FAM13B: variants seen among roughly 807,000 people sequenced by gnomAD.
FAM13B encodes protein FAM13B.
FAM13B carries 60 observed loss-of-function variants against 117.3 expected under a neutral mutation model. The ratio of observed to expected loss-of-function variants is 0.51; its 90% CI spans 0.42 to 0.63. The LOEUF is 0.63. Ranked by LOEUF, FAM13B falls within the 30% of genes least tolerant of loss-of-function variation. The pLI, the probability that FAM13B is intolerant of heterozygous loss-of-function variation, is 0.00. For synonymous variants in FAM13B, 332 were observed against 356.1 expected, an observed-to-expected ratio of 0.93 and a Z score of 0.76; for missense variants, 972 against 1,091.9, an observed-to-expected ratio of 0.89 and a Z score of 1.55.
intron 6 of FAM13B, among the ~76,000 whole-genome samples, chr5:138,009,579 T>G (rs1581241036): frequency 6.6e-6 from 1 of 151,108 alleles, no homozygotes; most frequent in Non-Finnish European, 1.5e-5. Flanking sequence ...TAGAGGTGGG[T>G]GGATCACCCG....
upstream of FAM13B, chr5:138,036,952 C>T (rs1188567767): frequency 3.4e-6 from 1 of 293,400 alleles, no homozygotes; most frequent in African/African-American, 2.2e-5. Flanking sequence ...GGGAGAAGGT[C>T]AAGGATGCTG....
intron 1 of FAM13B, chr5:138,039,409 G>A (rs1003998457): frequency 1.3e-5 from 2 of 152,008 alleles, no homozygotes; most frequent in African/African-American, 4.8e-5. Flanking sequence ...CAGGCTCTAG[G>A]CTTTTGAGCC....
At chr5:137,953,530 C>G (rs1324971786) in intron 15 of FAM13B, 65 bp from the exon 16 acceptor site, 8 of 1,506,990 alleles carry the variant, frequency 5.3e-6, no homozygotes, top group Non-Finnish European at 7.3e-6. Flanking sequence ...CTCTTATTGC[C>G]CTGACATGGC....
chr5:137,976,741 C>A (rs983873920), intron 10 of FAM13B, among the ~76,000 whole-genome samples: 3 of 152,148 alleles, frequency 2.0e-5, no homozygotes, highest in African/African-American at 7.2e-5. Flanking sequence ...CCAATCAATA[C>A]CCTTGTGATT....
Position 137,941,986 on chromosome 5 carries a change from G to A in FAM13B, c.2648C>T (p.Thr883Met), listed in dbSNP as rs371431985. 85 of 1,613,860 alleles carry A rather than the reference G, an allele frequency of 5.3e-5. No homozygotes were observed. The Middle Eastern group carries it at 8.2e-4, about 16-fold the overall frequency. ...ARAEKKKLRK[T>M]LREFEEAFYQ... ...AAATGCTTCTTCAAATTCCCGCAAC[G>A]TTTTGCGTAGTTTCTTTTTTTCAGC... is the stretch of plus-strand genomic sequence containing the variant. Residue 883 changes from threonine (T) to methionine (M), a missense_variant, in exon 23 of 24, where the codon ACG becomes ATG. Coordinates refer to ENST00000689681, the MANE Select transcript of FAM13B (RefSeq NM_001385994.1).
At chr5:137,970,397 G>A (rs1249207079) in intron 10 of FAM13B, among the ~76,000 whole-genome samples, 1 of 151,890 alleles carries the variant, frequency 6.6e-6, no homozygotes, top group African/African-American at 2.4e-5. Context: ...ATACTTTACA[G>A]ACAAGCAAAT....
chr5:138,015,808 G>C (rs1323278352), intron 4 of FAM13B, among the ~76,000 whole-genome samples: 1 of 152,230 alleles, frequency 6.6e-6, no homozygotes, highest in Non-Finnish European at 1.5e-5. Context: ...TGAATGATCA[G>C]ATGATATTAC....
intron 1 of FAM13B, among the ~76,000 whole-genome samples, chr5:138,029,722 A>G (rs1789402853): frequency 1.3e-5 from 2 of 152,242 alleles, no homozygotes. Context: ...GTCAATCAAC[A>G]AGCAGTTTTC....
upstream of FAM13B, chr5:138,036,377 C>T: frequency 2.2e-6 from 1 of 456,670 alleles, no homozygotes. Flanking sequence ...CCCGAACAAA[C>T]TTGGGAGTAC....
upstream of FAM13B, chr5:138,051,990 T>C (rs1282584179): frequency 6.6e-6 from 1 of 152,170 alleles, no homozygotes. Flanking sequence ...AAAAGTCTGT[T>C]CAGGCAAACT....
intron 1 of FAM13B, among the ~76,000 whole-genome samples, chr5:138,027,366 T>C (rs915243475): frequency 3.3e-5 from 5 of 152,188 alleles, no homozygotes; most frequent in Non-Finnish European, 5.9e-5. Context: ...TGGGTCTCAA[T>C]AAAGATGATA....
chr5:138,025,302 T>TATATAC (rs1242284690), intron 1 of FAM13B, among the ~76,000 whole-genome samples: 1 of 128,948 alleles, frequency 7.8e-6, no homozygotes, highest in Non-Finnish European at 1.6e-5. Context: ...TATATATATA[T>TATATAC]ATATATATGT....
chr5:137,955,272 A>T (rs894561741), intron 14 of FAM13B, among the ~76,000 whole-genome samples: 1 of 152,232 alleles, frequency 6.6e-6, no homozygotes, highest in African/African-American at 2.4e-5. Context: ...AAGAATTCTA[A>T]TATTCCCAAA....
At chr5:138,005,653 A>C (rs906070043) in intron 7 of FAM13B, among the ~76,000 whole-genome samples, 11 of 152,222 alleles carry the variant, frequency 7.2e-5, no homozygotes, top group African/African-American at 2.6e-4. Flanking sequence ...ATAAAAGCAA[A>C]AACAGAATGT....
intron 7 of FAM13B, among the ~76,000 whole-genome samples, chr5:138,006,072 T>A (rs1473503760): frequency 6.6e-6 from 1 of 152,074 alleles, no homozygotes; most frequent in African/African-American, 2.4e-5. Context: ...CTAATTTTTG[T>A]ATTTTTAGTA....
chr5:137,967,866 C>A (rs1770556596), intron 10 of FAM13B, among the ~76,000 whole-genome samples: 1 of 151,980 alleles, frequency 6.6e-6, no homozygotes, highest in Non-Finnish European at 1.5e-5. Flanking sequence ...GCACTGCAGC[C>A]TGGGTGACTA....
intron 1 of FAM13B, among the ~76,000 whole-genome samples, chr5:138,049,643 T>C (rs1401673460): frequency 6.6e-6 from 1 of 152,182 alleles, no homozygotes; most frequent in African/African-American, 2.4e-5. Context: ...AAAACAGGAT[T>C]TTCCATCTGT....
intron 14 of FAM13B, among the ~76,000 whole-genome samples, chr5:137,955,072 T>TA (rs5871658): frequency 0.74 from 112,270 of 152,108 alleles, 42,094 homozygotes; most frequent in East Asian, 0.97. Flanking sequence ...TTACAAATGT[T>TA]AGTTTTCAAG....
intron 11 of FAM13B, 104 bp downstream of exon 11, chr5:137,962,301 A>T: frequency 1.2e-6 from 1 of 868,482 alleles, no homozygotes; most frequent in Non-Finnish European, 1.8e-6. Flanking sequence ...GATTATCTAA[A>T]CTATATATTT....
Sources: gnomAD v4.1 joint callset for allele counts (sites outside exome capture counted in the v4.1 genomes callset) on GRCh38, gnomAD v4.1.1 for gene constraint, MANE v1.5 for transcripts, NCBI Gene and HGNC (gene_info 2026-07-23, HGNC 2026-07-21) for gene names.